TXLNB: variants seen among roughly 807,000 people sequenced by gnomAD.
TXLNB encodes the protein beta-taxilin.
A neutral mutation model predicts 57.4 loss-of-function variants in TXLNB; 37 were observed. The observed-to-expected ratio is 0.64, with a 90% confidence interval of 0.50 to 0.85. The LOEUF (loss-of-function observed/expected upper bound fraction) is 0.85. Among genes scored for constraint, TXLNB ranks in the 40% least tolerant of loss-of-function variants. TXLNB has a pLI of 0.00. For missense variants in TXLNB, 848 were observed against 825.6 expected, an observed-to-expected ratio of 1.03 and a Z score of -0.33; for synonymous variants, 302 against 309.6, an observed-to-expected ratio of 0.98 and a Z score of 0.26.
the TXLNB span, among the ~76,000 whole-genome samples, chr6:139,212,943 T>C: frequency 2.0e-5 from 3 of 152,118 alleles, no homozygotes; most frequent in Admixed American, 6.5e-5. Context: ...CCTAAATATA[T>C]ATGCACCCAA....
At chr6:139,250,337 T>TTTTC (rs1192493354) in intron 7 of TXLNB, among the ~76,000 whole-genome samples, 55 of 149,916 alleles carry the variant, frequency 3.7e-4, no homozygotes, top group South Asian at 1.3e-3. Context: ...CAACTGTGTT[T>TTTTC]TTTCTTTCTT....
the TXLNB span, among the ~76,000 whole-genome samples, chr6:139,171,948 A>G: frequency 1.3e-5 from 2 of 151,800 alleles, no homozygotes; most frequent in South Asian, 4.2e-4. Flanking sequence ...CTCCTGCCTC[A>G]GCCTCATGAG....
the TXLNB span, among the ~76,000 whole-genome samples, chr6:139,215,834 T>A: frequency 0.35 from 52,937 of 151,990 alleles, 9,793 homozygotes; most frequent in African/African-American, 0.48. Flanking sequence ...GACACTTCTC[T>A]AAAGAAGACG....
the TXLNB span, among the ~76,000 whole-genome samples, chr6:139,212,488 T>C: frequency 6.6e-6 from 1 of 152,180 alleles, no homozygotes; most frequent in African/African-American, 2.4e-5. Context: ...GCACTAAACA[T>C]GGAAAGGAAC....
intron 6 of TXLNB, among the ~76,000 whole-genome samples, chr6:139,259,773 A>G (rs776038889): frequency 2.6e-5 from 4 of 152,184 alleles, no homozygotes; most frequent in Non-Finnish European, 5.9e-5. Context: ...TGCTTAGTAG[A>G]TAACAGGCAC....
the TXLNB span, chr6:139,180,491 T>C: frequency 6.5e-6 from 1 of 152,680 alleles, no homozygotes; most frequent in Non-Finnish European, 1.5e-5. Flanking sequence ...TGTTCTTGTT[T>C]AGTGTTTTAT....
upstream of TXLNB, among the ~76,000 whole-genome samples, chr6:139,292,486 A>G (rs1450247477): frequency 6.6e-6 from 1 of 152,200 alleles, no homozygotes; most frequent in African/African-American, 2.4e-5. The surrounding 1 kb of genome is among the most constrained non-coding windows in gnomAD (Gnocchi z 4.0). Flanking sequence ...GGAAAAAGAA[A>G]AACAATGGCA....
chr6:139,319,198 T>G, the TXLNB span, among the ~76,000 whole-genome samples: 5 of 151,770 alleles, frequency 3.3e-5, no homozygotes, highest in Non-Finnish European at 7.4e-5. Context: ...CGCCTCGGCC[T>G]CCTAAAGTGC....
At chr6:139,256,006 C>A (rs1776328337) in intron 6 of TXLNB, among the ~76,000 whole-genome samples, 1 of 151,972 alleles carries the variant, frequency 6.6e-6, no homozygotes, top group South Asian at 2.1e-4. Flanking sequence ...CACTTGAGCC[C>A]AGGAATCCCA....
chr6:139,267,835 T>C (rs1270205670), intron 4 of TXLNB, among the ~76,000 whole-genome samples: 2 of 152,056 alleles, frequency 1.3e-5, no homozygotes, highest in African/African-American at 4.8e-5. Context: ...TAAATTGATA[T>C]CAGATAATGT....
intron 2 of TXLNB, among the ~76,000 whole-genome samples, chr6:139,280,397 C>T (rs1667927526): frequency 1.3e-5 from 2 of 152,020 alleles, no homozygotes; most frequent in South Asian, 4.1e-4. Flanking sequence ...AGTTTGGTGA[C>T]AACTTATGCA....
the TXLNB span, among the ~76,000 whole-genome samples, chr6:139,162,244 T>G: frequency 6.6e-6 from 1 of 151,974 alleles, no homozygotes. Context: ...GGAGTCAGGA[T>G]AGGGGGGCAA....
chr6:139,185,978 A>G, the TXLNB span, among the ~76,000 whole-genome samples: 1 of 152,150 alleles, frequency 6.6e-6, no homozygotes, highest in Non-Finnish European at 1.5e-5. Flanking sequence ...TAGTCAGCAA[A>G]TCAAAAAAGA....
At chr6:139,167,343 C>T in the TXLNB span, 2 of 1,514,592 alleles carry the variant, frequency 1.3e-6, no homozygotes, top group African/African-American at 1.4e-5. Flanking sequence ...GTTAATTCAC[C>T]TTGCCTGCTT....
chr6:139,212,707 C>G, the TXLNB span, among the ~76,000 whole-genome samples: 1 of 152,084 alleles, frequency 6.6e-6, no homozygotes, highest in African/African-American at 2.4e-5. Flanking sequence ...AGTCAAGACC[C>G]ATCAGTGTGC....
At chr6:139,231,911 A>G in the TXLNB span, among the ~76,000 whole-genome samples, 1 of 152,216 alleles carries the variant, frequency 6.6e-6, no homozygotes, top group South Asian at 2.1e-4. Context: ...CTTGTTGATA[A>G]GAATGTTAAG....
chr6:139,205,799 A>G, the TXLNB span, among the ~76,000 whole-genome samples: 1 of 152,216 alleles, frequency 6.6e-6, no homozygotes, highest in African/African-American at 2.4e-5. Flanking sequence ...CTTTGCTAGG[A>G]ATCTAGACAT....
chr6:139,209,865 G>C, the TXLNB span, among the ~76,000 whole-genome samples: 2 of 152,012 alleles, frequency 1.3e-5, no homozygotes, highest in African/African-American at 4.8e-5. Flanking sequence ...AAATAAATGG[G>C]ACCTAATTAA....
intron 4 of TXLNB, 33 bp from the exon 5 acceptor site, chr6:139,262,806 T>G: frequency 6.2e-7 from 1 of 1,603,472 alleles, no homozygotes. Flanking sequence ...TTTGTTTAAA[T>G]GCACCCCGGG....
Sources: allele counts gnomAD v4.1 joint callset (sites outside exome capture counted in the v4.1 genomes callset), GRCh38; gene constraint gnomAD v4.1.1; non-coding constraint Gnocchi (gnomAD v3.1); transcripts MANE v1.5; gene names NCBI Gene and HGNC (gene_info 2026-07-23, HGNC 2026-07-21).